The following KCTD8 variants were observed in gnomAD, a reference collection of about 807,000 sequenced individuals.
KCTD8 encodes BTB/POZ domain-containing protein KCTD8.
In KCTD8, 27 loss-of-function variants were observed where a neutral mutation model predicts 31.5. That is an observed-to-expected ratio of 0.86 (90% confidence interval 0.63 to 1.18). The LOEUF (loss-of-function observed/expected upper bound fraction) is 1.18. KCTD8 is among the 50% of genes most tolerant of loss of function. The pLI is 0.00. For synonymous variants in KCTD8, 290 were observed against 280.0 expected (o/e 1.04, Z -0.36); for missense variants, 658 against 647.7 (o/e 1.02, Z -0.17).
chr4:44,239,286 G>A (rs187598067), intron 1 of KCTD8, among the ~76,000 whole-genome samples: 10 of 152,276 alleles, frequency 6.6e-5, no homozygotes, highest in Admixed American at 2.0e-4. Flanking sequence ...AAACTGGGAC[G>A]TGTTGGGGCT....
At position 44,356,526 on chromosome 4, in the gene KCTD8, T is replaced by C. The variant is rs375617075; in HGVS notation, c.961+91037A>G. Among the ~76,000 whole-genome samples the C allele has an allele frequency of 2.4e-4, 36 of 152,224 alleles. 1 individual carries two copies. The East Asian group carries it at 3.3e-3, about 14-fold the overall frequency. On this transcript the variant is annotated intron_variant, in intron 1 of 1. Transcript: ENST00000360029. ...TCTTGCTCTGTTGCCCAGGCTGGAG[T>C]GCAGTGGCACGATCTCAACTCACTG...
intron 1 of KCTD8, among the ~76,000 whole-genome samples, chr4:44,366,336 G>A (rs1478949776): frequency 6.6e-6 from 1 of 152,122 alleles, no homozygotes; most frequent in Non-Finnish European, 1.5e-5. Context: ...ACTTGGTCAT[G>A]GGGGGTGGAT....
At chr4:44,222,152 T>C (rs993314989) in intron 1 of KCTD8, among the ~76,000 whole-genome samples, 1 of 152,214 alleles carries the variant, frequency 6.6e-6, no homozygotes, top group Non-Finnish European at 1.5e-5. Context: ...AGAAGCAGAA[T>C]TGCTGTGAGA....
chr4:44,252,261 C>G (rs968421617), intron 1 of KCTD8, among the ~76,000 whole-genome samples: 3 of 151,658 alleles, frequency 2.0e-5, no homozygotes, highest in Admixed American at 2.0e-4. Flanking sequence ...TATTTATCTA[C>G]TCATTGATTG....
rs1722022738 is a variant in KCTD8, at chr4:44,448,607, C to T, written c.-84G>A. 7.6e-7 allele frequency: 1 copy of T among 1,321,242 alleles called. No homozygotes were observed. The highest frequency in any genetic ancestry group is 9.7e-7 in the Non-Finnish European group (1 of 1,034,430). 81.8% of individuals were successfully genotyped at this position (1,321,242 alleles called of 1,614,324 possible). A position where few individuals can be genotyped will look rare whatever the true frequency, so the allele number is the denominator to read the frequency against. On this transcript the variant is annotated 5_prime_UTR_variant, in exon 1 of 2. Coordinates refer to ENST00000360029, the MANE Select transcript of KCTD8 (RefSeq NM_198353.3). This position sits in a 1 kb window ranked among gnomAD's most constrained non-coding sequence, Gnocchi z 4.1. ...CCGCGCCCCAGCCCTCCGCGTGCTCCTGGCGCTCTGCGCCCTCGGACTGGG... is the reference window on the plus strand; with the variant it reads ...CCGCGCCCCAGCCCTCCGCGTGCTCTTGGCGCTCTGCGCCCTCGGACTGGG...
At chr4:44,288,904 T>A (rs1450738257) in intron 1 of KCTD8, among the ~76,000 whole-genome samples, 1 of 146,770 alleles carries the variant, frequency 6.8e-6, no homozygotes, top group Non-Finnish European at 1.5e-5. Context: ...TTTATTCTTA[T>A]TTGAACTTTT....
At chr4:44,292,818 G>T (rs1327540934) in intron 1 of KCTD8, among the ~76,000 whole-genome samples, 1 of 152,004 alleles carries the variant, frequency 6.6e-6, no homozygotes, top group African/African-American at 2.4e-5. Flanking sequence ...TTTCCTATGA[G>T]ATTAAATTTT....
chr4:44,199,194 A>T (rs1425237119), intron 1 of KCTD8, among the ~76,000 whole-genome samples: 1 of 152,120 alleles, frequency 6.6e-6, no homozygotes, highest in Non-Finnish European at 1.5e-5. Context: ...ACCACACAAT[A>T]ATAGTAAGGT....
chr4:44,265,513 C>T (rs1716320409), intron 1 of KCTD8, among the ~76,000 whole-genome samples: 2 of 152,172 alleles, frequency 1.3e-5, no homozygotes, highest in African/African-American at 4.8e-5. Context: ...AATGTAGTTC[C>T]TCACCAGCAA....
intron 1 of KCTD8, among the ~76,000 whole-genome samples, chr4:44,194,666 C>T (rs1268421543): frequency 5.3e-5 from 8 of 151,826 alleles, no homozygotes; most frequent in Middle Eastern, 3.2e-3. Flanking sequence ...AATCGGGGTG[C>T]CTACTCTTTG....
At chr4:44,218,277 G>A (rs1399439421) in intron 1 of KCTD8, among the ~76,000 whole-genome samples, 1 of 151,412 alleles carries the variant, frequency 6.6e-6, no homozygotes, top group African/African-American at 2.4e-5. Flanking sequence ...GGGATTATAA[G>A]CATGCACCAC....
chr4:44,251,467 CTTAT>C (rs1715827861), intron 1 of KCTD8, among the ~76,000 whole-genome samples: 2 of 151,498 alleles, frequency 1.3e-5, no homozygotes, highest in African/African-American at 2.4e-5. Flanking sequence ...AATCTCTCAA[CTTAT>C]TTGTGTCTTT....
At chr4:44,317,506 T>TTTAA (rs1718171847) in intron 1 of KCTD8, among the ~76,000 whole-genome samples, 5 of 141,038 alleles carry the variant, frequency 3.5e-5, no homozygotes, top group African/African-American at 1.6e-4. Flanking sequence ...CCCAAAGTGC[T>TTTAA]GGGATTACAG....
chr4:44,384,379 A>G (rs775897773), intron 1 of KCTD8, among the ~76,000 whole-genome samples: 1 of 151,962 alleles, frequency 6.6e-6, no homozygotes, highest in Non-Finnish European at 1.5e-5. Context: ...CACAATAGCC[A>G]AAATATGGAG....
intron 1 of KCTD8, among the ~76,000 whole-genome samples, chr4:44,188,527 A>C (rs1352231001): frequency 1.3e-5 from 2 of 152,204 alleles, no homozygotes; most frequent in Non-Finnish European, 2.9e-5. Context: ...AGTCCTTTGT[A>C]GTAGGCTAAA....
At chr4:44,193,246 C>G (rs1232268246) in intron 1 of KCTD8, among the ~76,000 whole-genome samples, 2 of 152,086 alleles carry the variant, frequency 1.3e-5, no homozygotes, top group East Asian at 1.9e-4. Flanking sequence ...TACATAGCAT[C>G]TCATTTACAT....
At chr4:44,225,815 CTTTT>C (rs35751540) in intron 1 of KCTD8, among the ~76,000 whole-genome samples, 4 of 74,452 alleles carry the variant, frequency 5.4e-5, no homozygotes, top group Non-Finnish European at 7.6e-5. Flanking sequence ...GGTTTTGTCT[CTTTT>C]TTTTTTTTTT....
intron 1 of KCTD8, among the ~76,000 whole-genome samples, chr4:44,331,796 C>CTG (rs915404651): frequency 6.7e-6 from 1 of 148,376 alleles, no homozygotes; most frequent in African/African-American, 2.5e-5. Flanking sequence ...ACATCTCTCT[C>CTG]TGTGTGTATA....
chr4:44,181,145 A>ATCCCTC (rs553861288), intron 1 of KCTD8, among the ~76,000 whole-genome samples: 8 of 148,534 alleles, frequency 5.4e-5, no homozygotes, highest in South Asian at 2.1e-4. Flanking sequence ...AACCTACTAG[A>ATCCCTC]TCCCTCTCCC....
Sources: allele counts gnomAD v4.1 joint callset (sites outside exome capture counted in the v4.1 genomes callset), GRCh38; gene constraint gnomAD v4.1.1; non-coding constraint Gnocchi (gnomAD v3.1); transcripts MANE v1.5; gene names NCBI Gene and HGNC (gene_info 2026-07-23, HGNC 2026-07-21).